Variants in TNRC6A observed in about 807,000 individuals in gnomAD.
TNRC6A encodes trinucleotide repeat-containing gene 6A protein.
TNRC6A carries 44 observed loss-of-function variants against 221.2 expected under a neutral mutation model. The observed-to-expected ratio is 0.20, with a 90% CI of 0.16 to 0.26. The LOEUF (loss-of-function observed/expected upper bound fraction) is 0.26. Ranked by LOEUF, TNRC6A falls within the 10% of genes least tolerant of loss-of-function variation. The pLI is 1.00. For missense variants in TNRC6A, 2,199 were observed against 2,404.4 expected (o/e 0.91, Z 1.79); for synonymous variants, 847 against 838.5 (o/e 1.01, Z -0.18).
At chr16:24,689,362 T>C (rs1480529678) in intron 2 of TNRC6A, among the ~76,000 whole-genome samples, 1 of 152,172 alleles carries the variant, frequency 6.6e-6, no homozygotes, top group Admixed American at 6.6e-5. Context: ...ACCGGAGGCT[T>C]GGCCATGCAG....
At chr16:24,644,519 C>G (rs1314433181) in intron 2 of TNRC6A, among the ~76,000 whole-genome samples, 1 of 152,146 alleles carries the variant, frequency 6.6e-6, no homozygotes, top group Admixed American at 6.6e-5. Flanking sequence ...GTCTTAAACT[C>G]CTAGGCTCAA....
intron 2 of TNRC6A, among the ~76,000 whole-genome samples, chr16:24,689,309 A>G (rs1202785490): frequency 1.3e-5 from 2 of 152,186 alleles, no homozygotes; most frequent in Non-Finnish European, 2.9e-5. Flanking sequence ...ACGCTTTAGG[A>G]AGAGCCCTCT....
At chr16:24,712,921 G>A (rs199551165) in intron 2 of TNRC6A, among the ~76,000 whole-genome samples, 5 of 143,886 alleles carry the variant, frequency 3.5e-5, no homozygotes, top group South Asian at 2.2e-4. Flanking sequence ...GTGTGTGTGT[G>A]TGTGTGTGTG....
At chr16:24,716,009 C>G (rs1205275201) in intron 2 of TNRC6A, among the ~76,000 whole-genome samples, 1 of 152,068 alleles carries the variant, frequency 6.6e-6, no homozygotes, top group Non-Finnish European at 1.5e-5. Context: ...CTGGAATTCT[C>G]TATCTGTGTG....
chr16:24,670,286 A>G (rs901915490), intron 2 of TNRC6A, among the ~76,000 whole-genome samples: 2 of 152,006 alleles, frequency 1.3e-5, no homozygotes, highest in African/African-American at 4.8e-5. Context: ...AGATGAGGAC[A>G]TTGAGGCTTA....
intron 2 of TNRC6A, among the ~76,000 whole-genome samples, chr16:24,705,430 C>G (rs2142254768): frequency 1.3e-5 from 2 of 152,060 alleles, no homozygotes; most frequent in Admixed American, 1.3e-4. Flanking sequence ...CTCCCGGGTT[C>G]CAGTGATTCT....
At chr16:24,669,940 A>ATTT (rs1567341572) in intron 2 of TNRC6A, among the ~76,000 whole-genome samples, 2 of 22,396 alleles carry the variant, frequency 8.9e-5, no homozygotes, top group Non-Finnish European at 2.2e-4. Flanking sequence ...TGAGGCAGCT[A>ATTT]CTTTTTTTTT....
At chr16:24,742,709 G>A (rs752871116) in intron 2 of TNRC6A, among the ~76,000 whole-genome samples, 2 of 152,174 alleles carry the variant, frequency 1.3e-5, no homozygotes, top group Non-Finnish European at 2.9e-5. Flanking sequence ...ATCACCTGAC[G>A]TCAGGAGTTT....
At chr16:24,638,880 T>G (rs900266735) in intron 1 of TNRC6A, among the ~76,000 whole-genome samples, 5 of 152,236 alleles carry the variant, frequency 3.3e-5, no homozygotes, top group African/African-American at 1.2e-4. Flanking sequence ...CCCCTCTGGT[T>G]ATATAAGAAT....
chr16:24,667,792 A>G (rs1351328485), intron 2 of TNRC6A, among the ~76,000 whole-genome samples: 2 of 152,142 alleles, frequency 1.3e-5, no homozygotes, highest in East Asian at 1.9e-4. Context: ...TAATCCCAGC[A>G]CTTTGGGAGG....
chr16:24,761,329 T>C (rs1866807730), intron 4 of TNRC6A, among the ~76,000 whole-genome samples: 1 of 152,232 alleles, frequency 6.6e-6, no homozygotes, highest in Non-Finnish European at 1.5e-5. Context: ...AAAAAATCTT[T>C]TAAAATATGT....
At chr16:24,745,802 C>G (rs991802421) in intron 2 of TNRC6A, among the ~76,000 whole-genome samples, 12 of 133,370 alleles carry the variant, frequency 9.0e-5, no homozygotes, top group South Asian at 5.4e-4. Flanking sequence ...CCATCCCCCC[C>G]CCCCCCAGCT....
At position 24,722,913 on chromosome 16, in the gene TNRC6A, G is replaced by A. The variant is rs140596181; in HGVS notation, n.403-27813G>A. 4.1e-3 allele frequency among the ~76,000 whole-genome samples: 623 copies of A among 152,222 alleles called. 5 individuals carry two copies. The highest frequency in any genetic ancestry group is 0.01 in the Middle Eastern group (3 of 294). ...GCTTATACATTGCATGAGAGGCAGG[G>A]AAGAGTCAGAACTAACACTTAGGTT... On this transcript the variant is annotated intron_variant and non_coding_transcript_variant, in intron 2 of 2. Coordinates refer to the TNRC6A transcript ENST00000566108.
At chr16:24,689,509 G>A (rs148920448) in intron 2 of TNRC6A, among the ~76,000 whole-genome samples, 2 of 152,268 alleles carry the variant, frequency 1.3e-5, no homozygotes, top group East Asian at 3.9e-4. Context: ...CACATGATGG[G>A]CCTGGAGAAA....
At chr16:24,758,441 T>C in intron 4 of TNRC6A, 81 bp downstream of exon 4, 1 of 1,423,424 alleles carries the variant, frequency 7.0e-7, no homozygotes, top group East Asian at 2.3e-5. Flanking sequence ...ACCTCAAGGA[T>C]GGGAGAGAGA....
chr16:24,618,736 C>A (rs1245325954), intron 1 of TNRC6A, among the ~76,000 whole-genome samples: 1 of 148,138 alleles, frequency 6.8e-6, no homozygotes, highest in Non-Finnish European at 1.5e-5. Context: ...CTGCAGCAAG[C>A]CTCCCACCTC....
rs148196976 is a variant in TNRC6A, at chr16:24,731,433, G to A, written c.53+1133G>A. ...TCGTTAAAGAATGTGTTCAGATGGT[G>A]AAGGATAGGCATCATTGGTTTACCC... On this transcript the variant is annotated intron_variant, in intron 2 of 24. Transcript: ENST00000395799. Among the ~76,000 whole-genome samples the A allele has an allele frequency of 2.6e-3, 401 of 152,286 alleles. 4 individuals are homozygous for A. Among genetic ancestry groups the A allele is most frequent in the African/African-American group, 9.3e-3 (386 of 41,556 alleles).
At chr16:24,715,618 T>G (rs1350833645) in intron 2 of TNRC6A, among the ~76,000 whole-genome samples, 1 of 150,464 alleles carries the variant, frequency 6.6e-6, no homozygotes, top group South Asian at 2.1e-4. Context: ...TTTTTTTTTT[T>G]TTTCTTTTTT....
At chr16:24,811,074 T>C (rs941324103) in intron 18 of TNRC6A, among the ~76,000 whole-genome samples, 1 of 152,072 alleles carries the variant, frequency 6.6e-6, no homozygotes, top group African/African-American at 2.4e-5. Flanking sequence ...ATCATATCAT[T>C]AGAGTGGCCT....
Sources: allele counts gnomAD v4.1 joint callset (sites outside exome capture counted in the v4.1 genomes callset), GRCh38; gene constraint gnomAD v4.1.1; transcripts MANE v1.5; gene names NCBI Gene and HGNC (gene_info 2026-07-23, HGNC 2026-07-21).